The following ANKS1B variants were observed in gnomAD, a reference collection of about 807,000 sequenced individuals.
ANKS1B encodes the protein ankyrin repeat and sterile alpha motif domain containing 1B, also known as ankyrin repeat and sterile alpha motif domain-containing protein 1B.
Under a neutral mutation model 148.3 loss-of-function variants are expected in ANKS1B, and 36 were observed. The ratio of observed to expected loss-of-function variants is 0.24; its 90% confidence interval spans 0.19 to 0.32. The LOEUF is 0.32. ANKS1B is among the 10% of genes least tolerant of loss of function. ANKS1B has a pLI of 1.00. For synonymous variants in ANKS1B, 542 were observed against 560.8 expected (o/e 0.97, Z 0.47); for missense variants, 1,157 against 1,542.6 (o/e 0.75, Z 4.19).
intron 1 of ANKS1B, among the ~76,000 whole-genome samples, chr12:99,926,475 T>G (rs1300659564): frequency 3.9e-5 from 6 of 152,182 alleles, no homozygotes; most frequent in Non-Finnish European, 1.5e-5. Context: ...CCCAACTGCC[T>G]TTAAAATGGG....
chr12:99,479,865 G>A (rs2096382994), intron 10 of ANKS1B, among the ~76,000 whole-genome samples: 1 of 151,718 alleles, frequency 6.6e-6, no homozygotes, highest in African/African-American at 2.4e-5. Flanking sequence ...TTTCAAAATT[G>A]CTAAAAAATA....
chr12:99,850,281 G>GTCTCTCTCTCTCTCTCTCTCTCTCTC (rs71436968), intron 1 of ANKS1B, among the ~76,000 whole-genome samples: 15 of 114,254 alleles, frequency 1.3e-4, no homozygotes, highest in African/African-American at 1.4e-4. Flanking sequence ...AAGCAAGAAA[G>GTCTCTCTCTCTCTCTCTCTCTCTCTC]TCTCTCTCTC....
At chr12:99,045,788 C>G (rs1473960009) in intron 17 of ANKS1B, among the ~76,000 whole-genome samples, 1 of 152,166 alleles carries the variant, frequency 6.6e-6, no homozygotes, top group Non-Finnish European at 1.5e-5. Flanking sequence ...AAATGAGTTG[C>G]ATTTGCCTGC....
chr12:99,819,718 GA>G (rs1286025874), intron 2 of ANKS1B, among the ~76,000 whole-genome samples: 2 of 151,462 alleles, frequency 1.3e-5, no homozygotes, highest in East Asian at 1.9e-4. Context: ...AAGTAGAGAA[GA>G]AAAATTGAAT....
chr12:99,540,100 G>A (rs1307510381), intron 9 of ANKS1B, among the ~76,000 whole-genome samples: 1 of 152,048 alleles, frequency 6.6e-6, no homozygotes, highest in East Asian at 1.9e-4. Flanking sequence ...AAAACAGTCA[G>A]TCAGGAAGAC....
At chr12:99,757,599 A>G (rs10860515) in intron 8 of ANKS1B, among the ~76,000 whole-genome samples, 27,474 of 152,054 alleles carry the variant, frequency 0.18, 2,974 homozygotes, top group East Asian at 0.49. Flanking sequence ...TATATACCCA[A>G]TGGAATAAAA....
intron 17 of ANKS1B, among the ~76,000 whole-genome samples, chr12:98,961,465 C>T (rs1347145677): frequency 1.3e-5 from 2 of 152,180 alleles, no homozygotes; most frequent in Middle Eastern, 3.4e-3. Context: ...CAACACCAGA[C>T]CTGTCCTACA....
chr12:99,559,137 C>G (rs2097307080), intron 9 of ANKS1B, among the ~76,000 whole-genome samples: 3 of 152,168 alleles, frequency 2.0e-5, no homozygotes, highest in Admixed American at 2.0e-4. Flanking sequence ...TCAATGCCTT[C>G]TCTCTGAAGA....
chr12:99,836,113 G>T (rs779902432), intron 1 of ANKS1B, among the ~76,000 whole-genome samples: 1 of 152,152 alleles, frequency 6.6e-6, no homozygotes, highest in Non-Finnish European at 1.5e-5. Flanking sequence ...CTGGCCTTCT[G>T]TGAAGAATGA....
At chr12:99,538,921 T>C (rs1265894574) in intron 9 of ANKS1B, among the ~76,000 whole-genome samples, 2 of 152,294 alleles carry the variant, frequency 1.3e-5, no homozygotes, top group Non-Finnish European at 2.9e-5. Context: ...CCTTCTATTC[T>C]CAGTTTTTGA....
chr12:98,795,017 G>GT, intron 22 of ANKS1B: 1 of 813,582 alleles, frequency 1.2e-6, no homozygotes, highest in African/African-American at 1.7e-5. Context: ...AATGCCCTTT[G>GT]GAGACTTGAA....
At chr12:99,731,932 T>C (rs1203422921) in intron 8 of ANKS1B, among the ~76,000 whole-genome samples, 1 of 152,164 alleles carries the variant, frequency 6.6e-6, no homozygotes, top group Non-Finnish European at 1.5e-5. Flanking sequence ...GAACTTGTTT[T>C]TGAGATATAT....
chr12:99,868,914 G>A (rs145218871), intron 1 of ANKS1B, among the ~76,000 whole-genome samples: 48 of 152,078 alleles, frequency 3.2e-4, no homozygotes, highest in Middle Eastern at 3.4e-3. Context: ...AAAAATAGCC[G>A]GGCATGGTGG....
At chr12:99,013,885 A>G (rs1328982413) in intron 17 of ANKS1B, among the ~76,000 whole-genome samples, 1 of 152,220 alleles carries the variant, frequency 6.6e-6, no homozygotes, top group South Asian at 2.1e-4. Flanking sequence ...AACAAAGGGA[A>G]AAACAATCCA....
At position 98,871,612 on chromosome 12, in the gene ANKS1B, A is replaced by G. The variant is rs1372871509; in HGVS notation, c.2779-39476T>C. On this transcript the variant is annotated intron_variant, in intron 17 of 26. Transcript: ENST00000683438. ...TACTAATGAGTGAAAATAAAAAGAC[A>G]TTTCAAAGTCTTTCATATTTAACAC... Among the ~76,000 whole-genome samples the G allele has an allele frequency of 2.0e-5, 3 of 152,182 alleles. No individual in the cohort carries two copies. The East Asian group carries it at 5.8e-4, about 29-fold the overall frequency.
intron 1 of ANKS1B, among the ~76,000 whole-genome samples, chr12:99,948,314 A>G (rs1441707511): frequency 6.6e-6 from 1 of 152,000 alleles, no homozygotes; most frequent in African/African-American, 2.4e-5. Context: ...AGGAAAAAGT[A>G]TGCCATCCTG....
chr12:99,942,212 T>G (rs1168108133), intron 1 of ANKS1B, among the ~76,000 whole-genome samples: 1 of 151,912 alleles, frequency 6.6e-6, no homozygotes, highest in Non-Finnish European at 1.5e-5. Flanking sequence ...AGGAGAGCAA[T>G]CAGAGGCAAA....
At chr12:99,462,821 A>T (rs766962041) in intron 10 of ANKS1B, among the ~76,000 whole-genome samples, 9 of 152,178 alleles carry the variant, frequency 5.9e-5, no homozygotes, top group African/African-American at 1.9e-4. Flanking sequence ...GTCATGAGTT[A>T]CCATGAGATC....
At chr12:99,535,265 G>A (rs938386085) in intron 9 of ANKS1B, among the ~76,000 whole-genome samples, 1 of 152,140 alleles carries the variant, frequency 6.6e-6, no homozygotes, top group Non-Finnish European at 1.5e-5. Context: ...CAATATTTGT[G>A]TGTTTTGAAA....
Sources: gnomAD v4.1 joint callset for allele counts (sites outside exome capture counted in the v4.1 genomes callset) on GRCh38, gnomAD v4.1.1 for gene constraint, MANE v1.5 for transcripts, NCBI Gene and HGNC (gene_info 2026-07-23, HGNC 2026-07-21) for gene names.